The following USH2A variants were observed in gnomAD, a reference collection of about 807,000 sequenced individuals.
USH2A encodes Usher syndrome 2A (autosomal recessive, mild).
USH2A carries 443 observed loss-of-function variants against 538.9 expected under a neutral mutation model. The ratio of observed to expected loss-of-function variants is 0.82; its 90% CI spans 0.76 to 0.89. The LOEUF (loss-of-function observed/expected upper bound fraction) is 0.89. USH2A is among the 40% of genes least tolerant of loss of function. The pLI is 0.00. For synonymous variants in USH2A, 2,413 were observed against 2,273.5 expected (o/e 1.06, Z -1.75); for missense variants, 6,633 against 6,324.8 (o/e 1.05, Z -1.65).
At chr1:216,124,821 G>A (rs186035469) in intron 21 of USH2A, among the ~76,000 whole-genome samples, 6 of 152,270 alleles carry the variant, frequency 3.9e-5, no homozygotes, top group Non-Finnish European at 7.4e-5. Context: ...CAAAAATTCA[G>A]TTTAATTAAG....
chr1:215,680,121 A>G (rs1443602294), intron 62 of USH2A, 28 bp downstream of exon 62: 4 of 1,609,200 alleles, frequency 2.5e-6, no homozygotes, highest in Admixed American at 1.7e-5. Flanking sequence ...AACACCAAAC[A>G]TAATTTCTTA....
chr1:216,381,195 T>C (rs919498258), intron 3 of USH2A, among the ~76,000 whole-genome samples: 4 of 152,010 alleles, frequency 2.6e-5, no homozygotes, highest in Non-Finnish European at 5.9e-5. Flanking sequence ...GGGAAAAGTG[T>C]ACAAGCTAGA....
At position 216,246,656 on chromosome 1, in the gene USH2A, C is replaced by A; in HGVS notation, c.2738G>T (p.Cys913Phe). The A allele has an allele frequency of 2.5e-6, 4 of 1,614,096 alleles. No individual in the cohort carries two copies. The highest frequency in any genetic ancestry group is 2.7e-5 in the African/African-American group (2 of 75,036). The change falls in exon 13 of 72, where the codon TGT (cysteine) becomes TTT (phenylalanine). Residue 913 changes from cysteine to phenylalanine, a missense_variant. By Grantham distance (205) the Cys-to-Phe change is radical. Coordinates refer to ENST00000307340, the MANE Select transcript of USH2A (RefSeq NM_206933.4). Reference sequence around the variant, plus strand: ...CAGGCACTGGCCACTGATTGGGTCACAAATGGTCCCAGGTAATGTCCCCAA... The same window carrying A: ...CAGGCACTGGCCACTGATTGGGTCAAAAATGGTCCCAGGTAATGTCCCCAA... Reference protein sequence around the residue: ...DSLGTLPGTICDPISGQCLCV... With the variant: ...DSLGTLPGTIFDPISGQCLCV...
intron 71 of USH2A, among the ~76,000 whole-genome samples, chr1:215,627,523 T>TCTTTC (rs1485035235): frequency 6.7e-6 from 1 of 150,294 alleles, no homozygotes; most frequent in Non-Finnish European, 1.5e-5. Context: ...CTTCCTTCCT[T>TCTTTC]CCTTTTTTCC....
Position 216,010,137 on chromosome 1 carries a change from T to C in USH2A, c.6326-9575A>G, listed in dbSNP as rs531712197. Among the ~76,000 whole-genome samples the C allele has an allele frequency of 3.2e-4, 48 of 152,236 alleles. No homozygotes were observed. The East Asian group carries it at 6.4e-3, about 20-fold the overall frequency. On this transcript the variant is annotated intron_variant, in intron 32 of 71. Transcript: ENST00000307340. ...TTTAATTAACCTCGCCTTCAAGGTGTACAATAATAGAAAAAAGTTGCAATT... is the reference window on the plus strand; with the variant it reads ...TTTAATTAACCTCGCCTTCAAGGTGCACAATAATAGAAAAAAGTTGCAATT...
intron 32 of USH2A, among the ~76,000 whole-genome samples, chr1:216,036,701 G>T (rs2029996594): frequency 6.6e-6 from 1 of 152,046 alleles, no homozygotes; most frequent in African/African-American, 2.4e-5. Context: ...TTATTTTCTA[G>T]ATCTGAACTT....
chr1:215,772,941 G>A (rs921071796), intron 55 of USH2A, among the ~76,000 whole-genome samples: 6 of 152,238 alleles, frequency 3.9e-5, no homozygotes, highest in Non-Finnish European at 7.4e-5. Flanking sequence ...ACCATCCTGC[G>A]GGTAAGTCAT....
intron 3 of USH2A, among the ~76,000 whole-genome samples, chr1:216,392,374 C>G (rs2039125392): frequency 6.6e-6 from 1 of 151,642 alleles, no homozygotes; most frequent in Non-Finnish European, 1.5e-5. Flanking sequence ...GTGGCAGGCG[C>G]CTGTAGTCCC....
chr1:215,992,589 TC>T (rs1341106167), intron 35 of USH2A, among the ~76,000 whole-genome samples: 1 of 152,246 alleles, frequency 6.6e-6, no homozygotes, highest in African/African-American at 2.4e-5. Context: ...CCAAGTGGCC[TC>T]TTTTAAGATA....
chr1:216,322,049 A>T (rs905892909), intron 8 of USH2A, 73 bp from the exon 9 acceptor site: 18 of 1,394,458 alleles, frequency 1.3e-5, no homozygotes, highest in Non-Finnish European at 1.8e-5. Context: ...TCCTAGGACT[A>T]TATGCATTAT....
At chr1:216,253,438 T>C (rs1270899649) in intron 11 of USH2A, among the ~76,000 whole-genome samples, 8 of 152,146 alleles carry the variant, frequency 5.3e-5, no homozygotes, top group Non-Finnish European at 1.0e-4. Context: ...ATTGCTGGGA[T>C]TACAGACCTG....
intron 21 of USH2A, among the ~76,000 whole-genome samples, chr1:216,131,335 T>C (rs1376205318): frequency 1.3e-5 from 2 of 152,104 alleles, no homozygotes. Context: ...CTATTTATCT[T>C]TGTTTTTACT....
chr1:216,235,927 C>A (rs1018686892), intron 13 of USH2A, among the ~76,000 whole-genome samples: 2 of 152,096 alleles, frequency 1.3e-5, no homozygotes, highest in African/African-American at 4.8e-5. Flanking sequence ...AAAAGACTAT[C>A]TTGGTAATGG....
At chr1:216,253,687 C>T (rs572697298) in intron 11 of USH2A, among the ~76,000 whole-genome samples, 41 of 152,164 alleles carry the variant, frequency 2.7e-4, no homozygotes, top group Non-Finnish European at 4.9e-4. Flanking sequence ...CCAGCACTGC[C>T]CTATGTCACC....
At chr1:216,375,715 G>A (rs965109084) in intron 3 of USH2A, among the ~76,000 whole-genome samples, 5 of 152,064 alleles carry the variant, frequency 3.3e-5, no homozygotes, top group South Asian at 2.1e-4. Context: ...GCTGTTTGGT[G>A]CAAGAGGACT....
At chr1:216,304,369 A>C (rs2037273274) in intron 9 of USH2A, among the ~76,000 whole-genome samples, 1 of 151,922 alleles carries the variant, frequency 6.6e-6, no homozygotes, top group Admixed American at 6.6e-5. Flanking sequence ...TCACAAATTT[A>C]ATGCTTTTTC....
chr1:215,922,530 T>C (rs1047595102), intron 38 of USH2A, among the ~76,000 whole-genome samples: 5 of 151,800 alleles, frequency 3.3e-5, no homozygotes, highest in African/African-American at 4.8e-5. Context: ...TGGAATAAAG[T>C]CATAGACAAG....
rs2102823226 is a variant in USH2A, at chr1:215,845,918, T to C, written c.8961A>G (p.Leu2987=). The C allele has an allele frequency of 6.2e-7, 1 of 1,613,926 alleles. No individual in the cohort carries two copies. Among genetic ancestry groups the C allele is most frequent in the Non-Finnish European group, 8.5e-7 (1 of 1,179,928 alleles). ...AGATCCAATACTCTGTGTTTGGCTT[T>C]AGGTGGCCAATGACATGAGAGTTTA... ...PDVNSHVIGH[L]KPNTEYWIFI... The change falls in exon 45 of 72, where the codon CTA becomes CTG. Residue 2987 remains leucine (L), a synonymous_variant. Transcript: ENST00000307340.
intron 64 of USH2A, among the ~76,000 whole-genome samples, chr1:215,664,647 A>C (rs1293289932): frequency 1.3e-5 from 2 of 152,170 alleles, no homozygotes; most frequent in African/African-American, 2.4e-5. Flanking sequence ...CTATGAACTG[A>C]CTGTTTTTGT....
Sources: gnomAD v4.1 joint callset for allele counts (sites outside exome capture counted in the v4.1 genomes callset) on GRCh38, gnomAD v4.1.1 for gene constraint, MANE v1.5 for transcripts, NCBI Gene and HGNC (gene_info 2026-07-23, HGNC 2026-07-21) for gene names.